BBS9: variants seen among roughly 807,000 people sequenced by gnomAD.
The protein encoded by BBS9 is protein PTHB1.
In BBS9, 89 loss-of-function variants were observed where a neutral mutation model predicts 117.7. That is an observed-to-expected ratio of 0.76 (90% confidence interval 0.64 to 0.90). BBS9 has a LOEUF of 0.90. Among genes scored for constraint, BBS9 ranks in the 40% least tolerant of loss-of-function variants. The pLI, the probability that BBS9 is intolerant of heterozygous loss-of-function variation, is 0.00. For synonymous variants in BBS9, 379 were observed against 370.9 expected (o/e 1.02, Z -0.25); for missense variants, 982 against 1,042.2 (o/e 0.94, Z 0.80).
Position 33,289,970 on chromosome 7 carries a change from T to A in BBS9, c.1016+16014T>A, listed in dbSNP as rs193008305. 8.2e-3 allele frequency among the ~76,000 whole-genome samples: 1,246 copies of A among 151,346 alleles called. 25 individuals carry two copies. Among genetic ancestry groups the A allele is most frequent in the South Asian group, 0.048 (229 of 4,790 alleles). On this transcript the variant is annotated intron_variant, in intron 9 of 22. Coordinates refer to ENST00000242067, the MANE Select transcript of BBS9 (RefSeq NM_198428.3). Reference sequence around the variant, plus strand: ...CTGAGGCAGGAGAATCACTTGAACCTGGGAGGCAGAGGTCGCAGTGAGCCG... The same window carrying A: ...CTGAGGCAGGAGAATCACTTGAACCAGGGAGGCAGAGGTCGCAGTGAGCCG...
intron 19 of BBS9, among the ~76,000 whole-genome samples, chr7:33,480,131 ATAAAGGTTTTAGG>A (rs1272406274): frequency 1.3e-5 from 2 of 152,224 alleles, no homozygotes; most frequent in Non-Finnish European, 2.9e-5. Context: ...GAAAGTCTCA[ATAAAGGTTTTAGG>A]TAAGTGGAAA....
At chr7:33,539,714 T>C (rs891492143) in intron 21 of BBS9, among the ~76,000 whole-genome samples, 2 of 152,222 alleles carry the variant, frequency 1.3e-5, no homozygotes, top group Non-Finnish European at 2.9e-5. Context: ...TTGTTGTCAG[T>C]TTTCTTTTCT....
intron 20 of BBS9, among the ~76,000 whole-genome samples, chr7:33,530,292 C>T (rs1850375282): frequency 6.6e-6 from 1 of 152,190 alleles, no homozygotes; most frequent in Non-Finnish European, 1.5e-5. Flanking sequence ...TGCCAAATAC[C>T]TAAACATGAC....
At chr7:33,603,324 G>C (rs1864081421) in intron 21 of BBS9, among the ~76,000 whole-genome samples, 3 of 151,856 alleles carry the variant, frequency 2.0e-5, no homozygotes, top group African/African-American at 7.3e-5. Context: ...AGTCTTCCAG[G>C]TCTCCCCTCA....
intron 19 of BBS9, among the ~76,000 whole-genome samples, chr7:33,481,378 G>A (rs1842493936): frequency 6.6e-6 from 1 of 152,120 alleles, no homozygotes; most frequent in Admixed American, 6.6e-5. Context: ...CATAGCATAG[G>A]TAAGACCTAT....
chr7:33,191,006 A>G (rs545983150), intron 5 of BBS9, among the ~76,000 whole-genome samples: 3 of 152,220 alleles, frequency 2.0e-5, no homozygotes, highest in Admixed American at 1.3e-4. Flanking sequence ...GCAGGATTGC[A>G]TTCAAGAGGA....
At chr7:33,334,480 C>T (rs113243886) in intron 9 of BBS9, among the ~76,000 whole-genome samples, 1 of 152,028 alleles carries the variant, frequency 6.6e-6, no homozygotes, top group African/African-American at 2.4e-5. Flanking sequence ...AGCTAGAATG[C>T]GGAACAGACT....
intron 21 of BBS9, among the ~76,000 whole-genome samples, chr7:33,575,433 A>C (rs527261060): frequency 1.3e-5 from 2 of 152,298 alleles, no homozygotes; most frequent in African/African-American, 4.8e-5. Context: ...ACCAACCAAA[A>C]GAAGTCCAGG....
chr7:33,310,640 G>A (rs1023502643), intron 9 of BBS9, among the ~76,000 whole-genome samples: 1 of 152,220 alleles, frequency 6.6e-6, no homozygotes, highest in African/African-American at 2.4e-5. Context: ...ACTGGGAGCA[G>A]TTCCCTACCC....
chr7:33,372,836 G>A (rs568412755), intron 17 of BBS9, among the ~76,000 whole-genome samples: 5 of 152,192 alleles, frequency 3.3e-5, no homozygotes, highest in South Asian at 2.1e-4. Flanking sequence ...CTTCTTACTC[G>A]TTATTGCTCT....
intron 21 of BBS9, among the ~76,000 whole-genome samples, chr7:33,574,767 AG>A (rs1858495051): frequency 1.3e-5 from 2 of 151,694 alleles, no homozygotes; most frequent in African/African-American, 4.8e-5. Context: ...TATTTTATAT[AG>A]GTTATGTGTA....
intron 5 of BBS9, among the ~76,000 whole-genome samples, chr7:33,194,952 G>A (rs1784709700): frequency 6.6e-6 from 1 of 152,158 alleles, no homozygotes; most frequent in African/African-American, 2.4e-5. Context: ...CTGGGAGACT[G>A]GAGATCAGAG....
intron 20 of BBS9, chr7:33,505,848 T>C (rs1346625260): frequency 1.7e-6 from 1 of 592,208 alleles, no homozygotes; most frequent in Admixed American, 3.0e-5. Flanking sequence ...AGAATAGGTA[T>C]ATAGTCAATT....
intron 19 of BBS9, among the ~76,000 whole-genome samples, chr7:33,424,016 T>G (rs1833263868): frequency 6.6e-6 from 1 of 152,218 alleles, no homozygotes; most frequent in Non-Finnish European, 1.5e-5. Flanking sequence ...CAGTGGCATT[T>G]TTTTGCTCCG....
At chr7:33,483,108 G>T (rs186517868) in intron 19 of BBS9, among the ~76,000 whole-genome samples, 1 of 151,970 alleles carries the variant, frequency 6.6e-6, no homozygotes, top group Non-Finnish European at 1.5e-5. Context: ...TTTGGGGGGC[G>T]GGGGGAATAG....
chr7:33,560,562 A>G (rs932494059), intron 21 of BBS9, among the ~76,000 whole-genome samples: 7 of 152,214 alleles, frequency 4.6e-5, no homozygotes, highest in African/African-American at 1.7e-4. Context: ...AAAATAAAAC[A>G]GTGCTGCTGC....
chr7:33,378,299 T>C (rs1824279412), intron 17 of BBS9, among the ~76,000 whole-genome samples: 1 of 152,234 alleles, frequency 6.6e-6, no homozygotes, highest in African/African-American at 2.4e-5. Flanking sequence ...ATTATCTCCC[T>C]AGCACTTATC....
At chr7:33,503,499 A>G (rs1214390853) in intron 19 of BBS9, among the ~76,000 whole-genome samples, 6 of 150,904 alleles carry the variant, frequency 4.0e-5, no homozygotes, top group African/African-American at 1.5e-4. Context: ...TATAGCCTAT[A>G]GAGTCTTCCT....
intron 19 of BBS9, among the ~76,000 whole-genome samples, chr7:33,403,631 C>G (rs1829360355): frequency 6.6e-6 from 1 of 151,784 alleles, no homozygotes; most frequent in East Asian, 1.9e-4. Context: ...CATGTCCCTA[C>G]AAAGGACATG....
Sources: allele counts gnomAD v4.1 joint callset (sites outside exome capture counted in the v4.1 genomes callset), GRCh38; gene constraint gnomAD v4.1.1; transcripts MANE v1.5; gene names NCBI Gene and HGNC (gene_info 2026-07-23, HGNC 2026-07-21).